Variants in FAM81A observed in about 807,000 individuals in gnomAD.
The protein encoded by FAM81A is protein FAM81A.
A neutral mutation model predicts 46.7 loss-of-function variants in FAM81A; 19 were observed. The ratio of observed to expected loss-of-function variants is 0.41; its 90% CI spans 0.28 to 0.60. FAM81A has a LOEUF of 0.60. Among genes scored for constraint, FAM81A ranks in the 20% least tolerant of loss-of-function variants. FAM81A has a pLI of 0.34. For missense variants in FAM81A, 377 were observed against 453.5 expected (o/e 0.83, Z 1.53); for synonymous variants, 183 against 152.9 (o/e 1.20, Z -1.45).
upstream of FAM81A, among the ~76,000 whole-genome samples, chr15:59,434,205 T>C (rs1187283856): frequency 6.6e-6 from 1 of 152,194 alleles, no homozygotes; most frequent in East Asian, 1.9e-4. Flanking sequence ...ATGAAAGGAA[T>C]GGTAGAATTT....
At chr15:59,468,965 G>A (rs1289174761) in intron 3 of FAM81A, among the ~76,000 whole-genome samples, 1 of 152,076 alleles carries the variant, frequency 6.6e-6, no homozygotes, top group African/African-American at 2.4e-5. Context: ...ATTTTGTTAT[G>A]TACCCAGTAG....
chr15:59,398,921 G>A lies in FAM81A; in HGVS notation c.-160-3355G>A, dbSNP rs113818949. ...ATGATGGCTCACGCCTGTAATCCCA[G>A]CACTTTGGGAGGCCAAGACAGGTGG... On this transcript the variant is annotated intron_variant, in intron 1 of 4. Transcript: ENST00000558348. 5.3e-3 allele frequency among the ~76,000 whole-genome samples: 812 copies of A among 152,198 alleles called. 7 individuals carry two copies. The highest frequency in any genetic ancestry group is 0.019 in the African/African-American group (775 of 41,532).
chr15:59,482,202 T>C (rs1433076161), intron 3 of FAM81A, among the ~76,000 whole-genome samples: 7 of 152,218 alleles, frequency 4.6e-5, no homozygotes, highest in Non-Finnish European at 1.0e-4. Context: ...TTTTCATTGC[T>C]TAGAGATTGA....
chr15:59,487,704 T>A (rs1264102805), intron 3 of FAM81A, among the ~76,000 whole-genome samples: 1 of 151,958 alleles, frequency 6.6e-6, no homozygotes, highest in Non-Finnish European at 1.5e-5. Flanking sequence ...AATTGAATAA[T>A]GAAGAAATCC....
intron 1 of FAM81A, among the ~76,000 whole-genome samples, chr15:59,455,008 T>C (rs1477074238): frequency 6.7e-6 from 1 of 149,886 alleles, no homozygotes; most frequent in Non-Finnish European, 1.5e-5. Context: ...ACTCCTGGGC[T>C]CACCTTAGCC....
At chr15:59,442,646 GAAA>G (rs1435459925) in intron 1 of FAM81A, among the ~76,000 whole-genome samples, 1 of 140,950 alleles carries the variant, frequency 7.1e-6, no homozygotes, top group Non-Finnish European at 1.6e-5. Flanking sequence ...AAAAAGAAAA[GAAA>G]AGAAAAAGAA....
At chr15:59,398,296 C>T (rs2081055535) in intron 1 of FAM81A, among the ~76,000 whole-genome samples, 1 of 152,120 alleles carries the variant, frequency 6.6e-6, no homozygotes, top group Non-Finnish European at 1.5e-5. Context: ...TAAGTGTTTT[C>T]ATAGGAATAA....
At chr15:59,412,489 G>C (rs540919223) in intron 2 of FAM81A, among the ~76,000 whole-genome samples, 1 of 152,304 alleles carries the variant, frequency 6.6e-6, no homozygotes, top group African/African-American at 2.4e-5. Flanking sequence ...GCTTTGGGAG[G>C]CTGAGGCTGG....
At chr15:59,445,974 G>A (rs544681519) in intron 1 of FAM81A, among the ~76,000 whole-genome samples, 7 of 152,152 alleles carry the variant, frequency 4.6e-5, no homozygotes, top group Admixed American at 1.3e-4. Flanking sequence ...CCAGCCTTCC[G>A]CCGAGCTCAC....
chr15:59,433,140 CAAAAAAAAAAAAA>C (rs552850890), intron 2 of FAM81A, among the ~76,000 whole-genome samples: 1 of 42,450 alleles, frequency 2.4e-5, no homozygotes, highest in Non-Finnish European at 4.1e-5. Context: ...GACTCCGTCT[CAAAAAAAAAAAAA>C]AAAAAAAAAA....
intron 6 of FAM81A, among the ~76,000 whole-genome samples, chr15:59,512,882 T>C (rs971967875): frequency 7.2e-5 from 11 of 152,220 alleles, no homozygotes; most frequent in Non-Finnish European, 1.5e-4. Context: ...CTTATGACTT[T>C]GATGCATCAT....
At chr15:59,475,856 G>A (rs1286955138) in intron 3 of FAM81A, among the ~76,000 whole-genome samples, 3 of 152,230 alleles carry the variant, frequency 2.0e-5, no homozygotes, top group African/African-American at 7.2e-5. Context: ...CTTGATGACA[G>A]ATCAGAATTG....
chr15:59,430,266 T>C (rs2081214016), intron 2 of FAM81A, among the ~76,000 whole-genome samples: 1 of 94,402 alleles, frequency 1.1e-5, no homozygotes, highest in African/African-American at 3.0e-5. Flanking sequence ...TTTTTTTTTT[T>C]TTTTTTTTTT....
intron 1 of FAM81A, among the ~76,000 whole-genome samples, chr15:59,457,668 G>A (rs1014185964): frequency 6.6e-6 from 1 of 152,092 alleles, no homozygotes; most frequent in Non-Finnish European, 1.5e-5. Flanking sequence ...AATGTAATTT[G>A]TTTAAAGTTC....
At chr15:59,459,690 C>T (rs1482191392) in intron 2 of FAM81A, among the ~76,000 whole-genome samples, 1 of 151,924 alleles carries the variant, frequency 6.6e-6, no homozygotes, top group East Asian at 1.9e-4. Flanking sequence ...CCCAACTCTG[C>T]CAGCCTCTTG....
In FAM81A at chr15:59,460,015, G is replaced by A. The variant is rs373986862; in HGVS notation, c.103G>A (p.Asp35Asn). The change falls in exon 3 of 9, where the codon GAC (aspartate) becomes AAC (asparagine). Residue 35 changes from aspartate (D) to asparagine (N), a missense_variant. Physicochemically the swap from Asp to Asn is conservative, Grantham distance 23. Coordinates refer to ENST00000288228, the MANE Select transcript of FAM81A (RefSeq NM_152450.3). This position sits in a 1 kb window ranked among gnomAD's most constrained non-coding sequence, Gnocchi z 4.4. ...TGTAAGCCTCGTGGAGCAGCTGGAA[G>A]ACAGGATCCTCTGCCATGAGAAAAC... is the stretch of plus-strand genomic sequence containing the variant. The part of the protein sequence containing the change: ...SSVSLVEQLE[D>N]RILCHEKTTA... 6.2e-7 allele frequency: 1 copy of A among 1,613,734 alleles called. No homozygotes were observed. The highest frequency in any genetic ancestry group is 8.5e-7 in the Non-Finnish European group (1 of 1,179,844).
At chr15:59,509,295 C>T (rs1261864063) in intron 6 of FAM81A, among the ~76,000 whole-genome samples, 1 of 152,164 alleles carries the variant, frequency 6.6e-6, no homozygotes, top group Non-Finnish European at 1.5e-5. Context: ...GACCATTAAT[C>T]AATGACATAA....
Position 59,516,684 on chromosome 15 carries a change from A to C in FAM81A, c.826A>C (p.Met276Leu), listed in dbSNP as rs1448909620. Residue 276 changes from methionine to leucine, a missense_variant, in exon 8 of 9, where the codon ATG becomes CTG. Met to Leu is a conservative substitution (Grantham distance 15). Coordinates refer to ENST00000288228, the MANE Select transcript of FAM81A (RefSeq NM_152450.3). ...ERDMEKKLSQ[M>L]SARLDKIEEG... ...GGATATGGAGAAGAAGCTCAGCCAG[A>C]TGTCAGCCAGGCTTGACAAAATAGA... 1 of 1,613,622 alleles carries C rather than the reference A, an allele frequency of 6.2e-7. No homozygotes were observed. The highest frequency in any genetic ancestry group is 1.1e-5 in the South Asian group (1 of 91,042).
At chr15:59,427,294 A>G (rs2081199040) in intron 2 of FAM81A, among the ~76,000 whole-genome samples, 1 of 152,062 alleles carries the variant, frequency 6.6e-6, no homozygotes. Context: ...TATTTTTAGT[A>G]GAGACGGGGT....
Sources: allele counts gnomAD v4.1 joint callset (sites outside exome capture counted in the v4.1 genomes callset), GRCh38; gene constraint gnomAD v4.1.1; non-coding constraint Gnocchi (gnomAD v3.1); transcripts MANE v1.5; gene names NCBI Gene and HGNC (gene_info 2026-07-23, HGNC 2026-07-21).